Variants in CDH23 observed in about 807,000 individuals in gnomAD.
CDH23 encodes the protein cadherin related 23.
A neutral mutation model predicts 317.1 loss-of-function variants in CDH23; 189 were observed. That is an observed-to-expected ratio of 0.60 (90% CI 0.53 to 0.67). CDH23 has a LOEUF of 0.67. CDH23 is among the 30% of genes least tolerant of loss of function. The pLI, the probability that CDH23 is intolerant of heterozygous loss-of-function variation, is 0.00. For synonymous variants in CDH23, 1,839 were observed against 1,876.8 expected (o/e 0.98, Z 0.52); for missense variants, 4,401 against 4,592.4 (o/e 0.96, Z 1.20).
chr10:71,517,608 CT>C (rs1205051121), intron 6 of CDH23, among the ~76,000 whole-genome samples: 2 of 152,226 alleles, frequency 1.3e-5, no homozygotes, highest in Non-Finnish European at 2.9e-5. Context: ...GCCATGGCCC[CT>C]GAGTTGACAG....
chr10:71,451,386 C>G (rs565619642), intron 3 of CDH23, among the ~76,000 whole-genome samples: 1 of 152,352 alleles, frequency 6.6e-6, no homozygotes, highest in African/African-American at 2.4e-5. Flanking sequence ...CCGTGTTCCT[C>G]AATGGCAACC....
At chr10:71,729,427 A>G (rs1305623887) in intron 30 of CDH23, among the ~76,000 whole-genome samples, 1 of 152,198 alleles carries the variant, frequency 6.6e-6, no homozygotes, top group Non-Finnish European at 1.5e-5. Context: ...GGAGCCCTAA[A>G]GCGTCCCCTC....
rs3222215 is a variant in CDH23, at chr10:71,609,995, T to TGTGA, written c.833-5508_833-5507insTGAG. Among the ~76,000 whole-genome samples, 926 of 140,854 alleles carry TGTGA rather than the reference T, an allele frequency of 6.6e-3. 4 individuals carry two copies. The highest frequency in any genetic ancestry group is 0.013 in the African/African-American group (511 of 38,084). The allele number at this position is 140,854 out of a possible 152,430, so 92.4% of individuals were successfully genotyped here. ...GTGTGTGTGTGTGTGTGTGTGTGTG[T>TGTGA]GAGAGAGACAGAGAGACGAGAGAGA... is the stretch of plus-strand genomic sequence containing the variant. On this transcript the variant is annotated intron_variant, in intron 9 of 69. Coordinates refer to ENST00000224721, the MANE Select transcript of CDH23 (RefSeq NM_022124.6).
At chr10:71,779,559 C>A in intron 41 of CDH23, 112 bp downstream of exon 41, 2 of 767,104 alleles carry the variant, frequency 2.6e-6, no homozygotes, top group Non-Finnish European at 4.0e-6. Context: ...GTGATTTTGT[C>A]CTCTCTGGGC....
Position 71,791,279 on chromosome 10 carries a change from G to A in CDH23, c.6197G>A (p.Arg2066Gln), listed in dbSNP as rs201887949. Residue 2066 changes from arginine (R) to glutamine (Q), a missense_variant, in exon 47 of 70, where the codon CGG (arginine) becomes CAG (glutamine). Coordinates refer to ENST00000224721, the MANE Select transcript of CDH23 (RefSeq NM_022124.6). ...ACCATCCTGGATGACAATGACAACC[G>A]GCCCACCTTTAGCCCTGCCACCCTC... Reference protein sequence around the residue: ...LITILDDNDNRPTFSPATLTV... With the variant: ...LITILDDNDNQPTFSPATLTV... The A allele has an allele frequency of 2.6e-3, 4,208 of 1,613,816 alleles. 115 individuals are homozygous for A. In the South Asian group the frequency reaches 0.043, roughly 17 times the overall value.
At position 71,734,297 on chromosome 10, in the gene CDH23, A is replaced by T; in HGVS notation, c.4162A>T (p.Thr1388Ser). ...TGAGAAGGGCGACTTCTATACCTTG[A>T]CAGTGGTGGCAGATGACGGCGGCCC... ...DREKGDFYTL[T>S]VVADDGGPKV... is the part of the protein sequence containing the mutation. Residue 1388 changes from threonine (T) to serine (S), a missense_variant, in exon 33 of 70, where the codon ACA becomes TCA. This residue lies in a region of CDH23 where 3,068 missense variants were observed against 3,203.3 expected (regional missense o/e 0.96). Transcript: ENST00000224721. The T allele has an allele frequency of 6.2e-7, 1 of 1,612,524 alleles. No homozygotes were observed. The highest frequency in any genetic ancestry group is 8.5e-7 in the Non-Finnish European group (1 of 1,179,302).
intron 6 of CDH23, among the ~76,000 whole-genome samples, chr10:71,536,997 C>T (rs373971243): frequency 4.6e-5 from 7 of 152,272 alleles, no homozygotes; most frequent in African/African-American, 1.7e-4. Context: ...GATTGCGAGG[C>T]TGCTCTGAAA....
intron 3 of CDH23, among the ~76,000 whole-genome samples, chr10:71,494,153 GC>G: frequency 6.6e-6 from 1 of 152,282 alleles, no homozygotes; most frequent in East Asian, 1.9e-4. Context: ...ATCGCAAGCA[GC>G]AAAGTGCCAA....
At chr10:71,674,896 C>A (rs1864293819) in intron 14 of CDH23, among the ~76,000 whole-genome samples, 1 of 152,200 alleles carries the variant, frequency 6.6e-6, no homozygotes. Flanking sequence ...GGAGGAACAC[C>A]TGGTGGCGGT....
chr10:71,483,117 G>A (rs1199484537), intron 3 of CDH23, among the ~76,000 whole-genome samples: 1 of 152,190 alleles, frequency 6.6e-6, no homozygotes, highest in Admixed American at 6.5e-5. Context: ...ACTCAGCTGG[G>A]GCCTGGGTGC....
At chr10:71,690,043 T>A (rs1865128097) in intron 19 of CDH23, among the ~76,000 whole-genome samples, 1 of 151,986 alleles carries the variant, frequency 6.6e-6, no homozygotes, top group African/African-American at 2.4e-5. Flanking sequence ...CCTTATAAAT[T>A]CCCCTGAACG....
In CDH23 at chr10:71,805,829, G is replaced by A. The variant is rs1311400207; in HGVS notation, c.7896G>A (p.Val2632=). The change falls in exon 56 of 70, where the codon GTG becomes GTA. Residue 2632 remains valine, a synonymous_variant. Coordinates refer to ENST00000224721, the MANE Select transcript of CDH23 (RefSeq NM_022124.6). ...IREEIPLRSN[V]YEVYATDKDE... ...AGGAGATCCCGCTGCGCTCCAACGT[G>A]TACGAGGTCTACGCCACGGACAAGG... The A allele has an allele frequency of 1.2e-6, 2 of 1,613,686 alleles. No individual in the cohort carries two copies. Among genetic ancestry groups the A allele is most frequent in the East Asian group, 2.2e-5 (1 of 44,880 alleles).
At chr10:71,524,582 G>C (rs1854916984) in intron 6 of CDH23, among the ~76,000 whole-genome samples, 1 of 152,170 alleles carries the variant, frequency 6.6e-6, no homozygotes, top group Non-Finnish European at 1.5e-5. Context: ...GCCCACCAAA[G>C]ATGGCCACAT....
intron 28 of CDH23, among the ~76,000 whole-genome samples, chr10:71,722,176 C>T (rs1487943306): frequency 6.6e-6 from 1 of 152,202 alleles, no homozygotes; most frequent in Admixed American, 6.5e-5. Context: ...CATGGTGGCT[C>T]ATGCCTGTAA....
At position 71,403,375 on chromosome 10, in the gene CDH23, CTTTCTT is replaced by C. The variant is rs1335173913; in HGVS notation, c.-6+6059_-6+6064del. ...TCTTTCTTTCTTTCTTTCTTTCTTT[CTTTCTT>C]TCTTTCTTTCTTTCTTTCTTTCTTT... On this transcript the variant is annotated intron_variant, in intron 1 of 69. Coordinates refer to ENST00000224721, the MANE Select transcript of CDH23 (RefSeq NM_022124.6). Among the ~76,000 whole-genome samples the C allele has an allele frequency of 2.5e-4, 28 of 114,256 alleles. 2 individuals are homozygous for C. Among genetic ancestry groups the C allele is most frequent in the Admixed American group, 1.5e-3 (18 of 11,668 alleles). 75.0% of individuals were successfully genotyped at this position (114,256 alleles called of 152,430 possible). A position where few individuals can be genotyped will look rare whatever the true frequency, so the allele number is the denominator to read the frequency against.
intron 26 of CDH23, chr10:71,707,570 C>T (rs1326690794): frequency 4.0e-6 from 4 of 1,002,966 alleles, no homozygotes; most frequent in African/African-American, 1.7e-5. Context: ...TGTCCTGGCT[C>T]ACAGGGGAAA....
intron 30 of CDH23, among the ~76,000 whole-genome samples, chr10:71,727,088 C>T (rs569234464): frequency 1.1e-4 from 17 of 152,314 alleles, no homozygotes; most frequent in South Asian, 2.1e-4. Context: ...CACACGTGCC[C>T]GATATTTTTC....
At chr10:71,576,639 T>C (rs1196291207) in intron 8 of CDH23, among the ~76,000 whole-genome samples, 1 of 152,126 alleles carries the variant, frequency 6.6e-6, no homozygotes, top group Non-Finnish European at 1.5e-5. Context: ...GACAGGCTTA[T>C]CTTGCTCTCC....
intron 14 of CDH23, among the ~76,000 whole-genome samples, chr10:71,649,648 C>T (rs866641174): frequency 8.1e-4 from 123 of 152,212 alleles, no homozygotes; most frequent in African/African-American, 2.7e-3. Flanking sequence ...GGGACACCCT[C>T]ATGCACACAG....
Sources: allele counts gnomAD v4.1 joint callset (sites outside exome capture counted in the v4.1 genomes callset), GRCh38; gene constraint gnomAD v4.1.1; regional missense constraint gnomAD v4.1.1; transcripts MANE v1.5; gene names NCBI Gene and HGNC (gene_info 2026-07-23, HGNC 2026-07-21).